Variants in DISC1 observed in about 807,000 individuals in gnomAD.
DISC1 encodes DISC1 scaffold protein.
Under a neutral mutation model 84.5 loss-of-function variants are expected in DISC1, and 57 were observed. The observed-to-expected ratio is 0.67, with a 90% CI of 0.55 to 0.84. The LOEUF is 0.84. Ranked by LOEUF, DISC1 falls within the 40% of genes least tolerant of loss-of-function variation. The pLI is 0.00. For synonymous variants in DISC1, 411 were observed against 415.2 expected, an observed-to-expected ratio of 0.99 and a Z score of 0.12; for missense variants, 1,000 against 1,057.8, an observed-to-expected ratio of 0.95 and a Z score of 0.76.
chr1:231,956,963 A>G (rs1189571221), intron 9 of DISC1, among the ~76,000 whole-genome samples: 1 of 152,186 alleles, frequency 6.6e-6, no homozygotes, highest in Admixed American at 6.5e-5. Context: ...AGAGTTATAG[A>G]ATCCCTTCCA....
At chr1:231,733,150 ATGGTGGTGATGGTAGGAG>A (rs974280517) in intron 3 of DISC1, among the ~76,000 whole-genome samples, 1 of 7,316 alleles carries the variant, frequency 1.4e-4, no homozygotes, top group African/African-American at 4.8e-4. Flanking sequence ...GGTAGGAGTG[ATGGTGGTGATGGTAGGAG>A]TGGTGGTGAT....
intron 10 of DISC1, among the ~76,000 whole-genome samples, chr1:231,981,875 A>G (rs182219427): frequency 2.6e-5 from 4 of 152,334 alleles, no homozygotes; most frequent in Non-Finnish European, 5.9e-5. Context: ...CTTTGGCCAC[A>G]TAAGAGAGTG....
intron 9 of DISC1, among the ~76,000 whole-genome samples, chr1:231,821,275 G>A (rs998244453): frequency 1.3e-5 from 2 of 152,152 alleles, no homozygotes; most frequent in African/African-American, 4.8e-5. Context: ...AAATTAATGA[G>A]GGTAGTGATA....
At chr1:232,020,639 G>C (rs1467845256) in intron 11 of DISC1, among the ~76,000 whole-genome samples, 1 of 152,124 alleles carries the variant, frequency 6.6e-6, no homozygotes, top group East Asian at 1.9e-4. Flanking sequence ...AATACACCTG[G>C]CTTACAACTC....
chr1:231,951,187 G>A (rs1004001403), intron 9 of DISC1, among the ~76,000 whole-genome samples: 6 of 152,112 alleles, frequency 3.9e-5, no homozygotes, highest in Admixed American at 1.3e-4. Flanking sequence ...ATTCTCACTC[G>A]CGTTACTCAA....
Position 231,832,943 on chromosome 1 carries a change from G to T in DISC1, c.1981+14426G>T, listed in dbSNP as rs1351243562. On this transcript the variant is annotated intron_variant, in intron 9 of 12. Coordinates refer to ENST00000439617, the MANE Select transcript of DISC1 (RefSeq NM_018662.3). Reference sequence around the variant, plus strand: ...TTAATCATTTTAAAGAGTGCTGTGGGATGGGATATTGGCATTGAGCAGGCT... The same window carrying T: ...TTAATCATTTTAAAGAGTGCTGTGGTATGGGATATTGGCATTGAGCAGGCT... 2.8e-5 allele frequency among the ~76,000 whole-genome samples: 3 copies of T among 106,166 alleles called. 1 individual carries two copies. The highest frequency in any genetic ancestry group is 6.1e-5 in the Non-Finnish European group (3 of 48,942). 69.6% of individuals were successfully genotyped at this position (106,166 alleles called of 152,430 possible).
At chr1:231,972,713 C>T (rs1662174993) in intron 10 of DISC1, among the ~76,000 whole-genome samples, 1 of 152,234 alleles carries the variant, frequency 6.6e-6, no homozygotes, top group Non-Finnish European at 1.5e-5. Flanking sequence ...CACTAGACCT[C>T]ACGACATAGG....
chr1:231,657,343 T>C (rs1179097049), intron 1 of DISC1, among the ~76,000 whole-genome samples: 5 of 152,236 alleles, frequency 3.3e-5, no homozygotes, highest in Admixed American at 3.3e-4. Context: ...TGTTAGATCG[T>C]ATCTTATTGT....
At chr1:231,978,054 C>T (rs965270591) in intron 10 of DISC1, among the ~76,000 whole-genome samples, 2 of 151,924 alleles carry the variant, frequency 1.3e-5, no homozygotes, top group African/African-American at 4.8e-5. Context: ...AAATGTGTTC[C>T]TGTGGTCATT....
intron 9 of DISC1, among the ~76,000 whole-genome samples, chr1:231,951,760 G>C (rs1658411367): frequency 6.6e-6 from 1 of 152,144 alleles, no homozygotes; most frequent in Non-Finnish European, 1.5e-5. Flanking sequence ...TCTGGCATGT[G>C]TTAGGCATTT....
chr1:231,726,769 C>T (rs1160898789), intron 3 of DISC1, among the ~76,000 whole-genome samples: 1 of 152,202 alleles, frequency 6.6e-6, no homozygotes, highest in Non-Finnish European at 1.5e-5. Context: ...ACTGCTCTGT[C>T]TTAATTCAGG....
intron 9 of DISC1, among the ~76,000 whole-genome samples, chr1:231,846,180 G>GA (rs1222686999): frequency 4.6e-5 from 7 of 152,186 alleles, no homozygotes; most frequent in Admixed American, 1.3e-4. Context: ...CAGATGCCAT[G>GA]AGACCCTCCA....
intron 6 of DISC1, among the ~76,000 whole-genome samples, chr1:231,773,411 G>GTC (rs1398475642): frequency 6.6e-6 from 1 of 152,176 alleles, no homozygotes; most frequent in Non-Finnish European, 1.5e-5. Flanking sequence ...TTGAGATAGA[G>GTC]TCTCTCTCTG....
chr1:231,936,328 G>A (rs754762734), intron 9 of DISC1, among the ~76,000 whole-genome samples: 1 of 152,164 alleles, frequency 6.6e-6, no homozygotes, highest in East Asian at 1.9e-4. Flanking sequence ...AGTTTTCCCA[G>A]CATCTAGCCC....
At chr1:231,646,763 G>A (rs955366232) in intron 1 of DISC1, among the ~76,000 whole-genome samples, 1 of 152,182 alleles carries the variant, frequency 6.6e-6, no homozygotes, top group Non-Finnish European at 1.5e-5. Context: ...TAACTGATGT[G>A]ATATGGTATC....
intron 9 of DISC1, chr1:231,818,776 T>C: frequency 7.6e-7 from 1 of 1,319,714 alleles, no homozygotes; most frequent in South Asian, 1.7e-5. Context: ...CTAATAGCCT[T>C]GTTATTATTT....
intron 1 of DISC1, among the ~76,000 whole-genome samples, chr1:231,685,515 T>C (rs6681634): frequency 0.38 from 57,532 of 151,790 alleles, 11,355 homozygotes; most frequent in African/African-American, 0.49. Flanking sequence ...TGCAATGGCG[T>C]GATCTTGGCT....
chr1:231,750,243 T>C (rs1386036522), intron 4 of DISC1, 167 bp downstream of exon 4: 2 of 1,425,304 alleles, frequency 1.4e-6, no homozygotes, highest in South Asian at 1.6e-5. Flanking sequence ...GAGTGAGAGA[T>C]GGCCCATGTG....
chr1:231,816,294 C>A (rs1333201750), intron 8 of DISC1, among the ~76,000 whole-genome samples: 1 of 152,114 alleles, frequency 6.6e-6, no homozygotes, highest in Non-Finnish European at 1.5e-5. Context: ...TCAATGGCAC[C>A]ATTTGTGTTT....
Sources: gnomAD v4.1 joint callset for allele counts (sites outside exome capture counted in the v4.1 genomes callset) on GRCh38, gnomAD v4.1.1 for gene constraint, MANE v1.5 for transcripts, NCBI Gene and HGNC (gene_info 2026-07-23, HGNC 2026-07-21) for gene names.